Variants in TMA16 observed in about 807,000 individuals in gnomAD.
TMA16 encodes the protein translation machinery-associated protein 16.
A neutral mutation model predicts 27.1 loss-of-function variants in TMA16; 26 were observed. The observed-to-expected ratio is 0.96, with a 90% CI of 0.70 to 1.33. The LOEUF (loss-of-function observed/expected upper bound fraction) is 1.33, where lower values mean the gene tolerates loss of function less well. TMA16 is among the 40% of genes most tolerant of loss of function. TMA16 has a pLI of 0.00. For missense variants in TMA16, 233 were observed against 241.4 expected, an observed-to-expected ratio of 0.97 and a Z score of 0.23; for synonymous variants, 71 against 81.9, an observed-to-expected ratio of 0.87 and a Z score of 0.72.
intron 5 of TMA16, chr4:163,515,677 T>C (rs113307215): frequency 2.4e-5 from 12 of 495,796 alleles, no homozygotes; most frequent in African/African-American, 1.7e-4. Context: ...TGTGACATCA[T>C]GTCTTTTTTA....
At chr4:163,511,140 C>T (rs1466296137) in intron 2 of TMA16, among the ~76,000 whole-genome samples, 2 of 152,050 alleles carry the variant, frequency 1.3e-5, no homozygotes, top group Non-Finnish European at 2.9e-5. Flanking sequence ...AATTACCTTT[C>T]TCAAAGTGAT....
chr4:163,512,884 CT>C (rs778250438), intron 3 of TMA16, 25 bp downstream of exon 3: 6 of 1,595,718 alleles, frequency 3.8e-6, no homozygotes, highest in Middle Eastern at 1.7e-4. Context: ...TTATTTGAAA[CT>C]CTGGCTAGAG....
At chr4:163,511,441 T>C (rs1737795872) in intron 2 of TMA16, among the ~76,000 whole-genome samples, 1 of 152,180 alleles carries the variant, frequency 6.6e-6, no homozygotes, top group Non-Finnish European at 1.5e-5. Context: ...GGACTGTTTA[T>C]ATATTCTAGA....
At position 163,517,439 on chromosome 4, in the gene TMA16, C is replaced by G. The variant is rs765246252; in HGVS notation, c.394C>G (p.Pro132Ala). ...QQFEGYGLEI[P>A]DILNASNLKT... ...TAAATTACTTTCTTTTCCAGAGATT[C>G]CAGACATTCTAAATGCAAGTAATCT... Residue 132 changes from proline to alanine, a missense_variant, in exon 6 of 7, where the codon CCA becomes GCA. Pro to Ala is a conservative substitution (Grantham distance 27). Coordinates refer to ENST00000358572, the MANE Select transcript of TMA16 (RefSeq NM_018352.3). The G allele has an allele frequency of 1.9e-5, 31 of 1,612,702 alleles. No individual in the cohort carries two copies. In the East Asian group the frequency reaches 6.5e-4, roughly 34 times the overall value.
intron 1 of TMA16, among the ~76,000 whole-genome samples, chr4:163,497,991 C>CT (rs908407330): frequency 7.2e-5 from 11 of 152,210 alleles, no homozygotes; most frequent in African/African-American, 2.2e-4. Flanking sequence ...GTTCCCTAAC[C>CT]TTTCTTTTTA....
rs1737950559 is a variant in TMA16, at chr4:163,520,172, ATTT to A, written c.*662_*664del. ...GTTTAGCTCCTTTTGATTGTATATT[ATTT>A]TTTGCTTTTTTATTGTGAAAAGAGG... On this transcript the variant is annotated 3_prime_UTR_variant, in exon 7 of 7. Transcript: ENST00000358572. 1 of 334,512 alleles carries A rather than the reference ATTT, an allele frequency of 3.0e-6. No individual in the cohort carries two copies. 20.7% of individuals were successfully genotyped at this position (334,512 alleles called of 1,614,324 possible).
At position 163,507,871 on chromosome 4, in the gene TMA16, A is replaced by T. The variant is rs190903188; in HGVS notation, c.116+726A>T. Among the ~76,000 whole-genome samples, 44 of 152,034 alleles carry T rather than the reference A, an allele frequency of 2.9e-4. No homozygotes were observed. The East Asian group carries it at 8.1e-3, about 28-fold the overall frequency. ...ATTTTAGAATGCCCTTGCCATTTTC[A>T]TGAATGTTAGATACATTTGCATACC... On this transcript the variant is annotated intron_variant, in intron 2 of 6. Coordinates refer to ENST00000358572, the MANE Select transcript of TMA16 (RefSeq NM_018352.3).
At chr4:163,506,269 G>C (rs1249453409) in intron 1 of TMA16, among the ~76,000 whole-genome samples, 1 of 152,172 alleles carries the variant, frequency 6.6e-6, no homozygotes, top group East Asian at 1.9e-4. Flanking sequence ...TAAGGGCTTT[G>C]TGGAACAGAA....
chr4:163,504,452 T>G (rs755712811), intron 1 of TMA16, among the ~76,000 whole-genome samples: 6 of 152,154 alleles, frequency 3.9e-5, no homozygotes, highest in Non-Finnish European at 8.8e-5. Flanking sequence ...AAAGTATTAC[T>G]TGGGGGTGTG....
At position 163,520,534 on chromosome 4, in the gene TMA16, A is replaced by G. The variant is rs1159723180; in HGVS notation, c.*1020A>G. 1 of 149,318 alleles carries G rather than the reference A, an allele frequency of 6.7e-6. No homozygotes were observed. The highest frequency in any genetic ancestry group is 2.4e-5 in the African/African-American group (1 of 40,844). The allele number at this position is 149,318 out of a possible 1,614,324, so 9.2% of individuals were successfully genotyped here. On this transcript the variant is annotated 3_prime_UTR_variant, in exon 7 of 7. Transcript: ENST00000358572. ...ATTAAAAATAAAATTTATTTCTGCA[A>G]TTTCATTTCTTACAGTCCTAATTTT...
chr4:163,515,689 C>A, intron 5 of TMA16: 1 of 453,446 alleles, frequency 2.2e-6, no homozygotes, highest in Non-Finnish European at 4.0e-6. Context: ...TCTTTTTTAC[C>A]GTGATAGTAA....
chr4:163,519,014 A>C (rs534907768), intron 6 of TMA16, among the ~76,000 whole-genome samples: 1 of 152,272 alleles, frequency 6.6e-6, no homozygotes, highest in East Asian at 1.9e-4. Context: ...TGATTACTGA[A>C]ACTTAACTGG....
rs1737937149 is a variant in TMA16 at position 163,519,519 on chromosome 4, C to T, written c.*5C>T. 6.4e-7 allele frequency: 1 copy of T among 1,557,970 alleles called. No individual in the cohort carries two copies. Among genetic ancestry groups the T allele is most frequent in the Non-Finnish European group, 8.6e-7 (1 of 1,160,534 alleles). Reference sequence around the variant, plus strand: ...GAAATGACTGCAGTGGCCTAATTGTCTTCACTTGAATTGAAAATAAATAAT... The same window carrying T: ...GAAATGACTGCAGTGGCCTAATTGTTTTCACTTGAATTGAAAATAAATAAT... On this transcript the variant is annotated 3_prime_UTR_variant, in exon 7 of 7. Transcript: ENST00000358572.
chr4:163,520,026 A>ATAGAT lies in TMA16; in HGVS notation c.*515_*519dup, dbSNP rs1361128245. The stretch of plus-strand genomic sequence containing the variant: ...AGAAGTTTGTATACATTTCTGGATT[A>ATAGAT]TAGATTATTATTTATCTTTTGAACC... On this transcript the variant is annotated 3_prime_UTR_variant, in exon 7 of 7. Coordinates refer to ENST00000358572, the MANE Select transcript of TMA16 (RefSeq NM_018352.3). 1 of 609,686 alleles carries ATAGAT rather than the reference A, an allele frequency of 1.6e-6. No homozygotes were observed. Among genetic ancestry groups the ATAGAT allele is most frequent in the Non-Finnish European group, 3.0e-6 (1 of 333,220 alleles). 37.8% of individuals were successfully genotyped at this position (609,686 alleles called of 1,614,324 possible).
Position 163,513,616 on chromosome 4 carries a change from C to T in TMA16, c.155-458C>T, listed in dbSNP as rs1322382491. Among the ~76,000 whole-genome samples, 5 of 152,246 alleles carry T rather than the reference C, an allele frequency of 3.3e-5. No individual in the cohort carries two copies. The South Asian group carries it at 6.2e-4, about 19-fold the overall frequency. On this transcript the variant is annotated intron_variant, in intron 3 of 6. Transcript: ENST00000358572. ...GCCCTGGACAGGTCATTTAACATCT[C>T]TCATCTACAAATGGGGGTAATAATA...
intron 3 of TMA16, among the ~76,000 whole-genome samples, chr4:163,513,429 A>AT (rs374110230): frequency 2.6e-5 from 4 of 151,934 alleles, no homozygotes; most frequent in South Asian, 2.1e-4. Context: ...GGGCCGGGTG[A>AT]TTTTTTTTGA....
At chr4:163,500,610 C>T (rs1737635517) in intron 1 of TMA16, among the ~76,000 whole-genome samples, 1 of 152,162 alleles carries the variant, frequency 6.6e-6, no homozygotes, top group Non-Finnish European at 1.5e-5. Context: ...TGCCTTCTTT[C>T]TTGCTGTATA....
intron 3 of TMA16, 118 bp downstream of exon 3, chr4:163,512,977 G>A: frequency 1.4e-6 from 1 of 696,742 alleles, no homozygotes; most frequent in Admixed American, 3.1e-5. Context: ...AATTTGATCA[G>A]ACTTGATCTA....
At chr4:163,498,090 T>C (rs1226495378) in intron 1 of TMA16, among the ~76,000 whole-genome samples, 2 of 152,294 alleles carry the variant, frequency 1.3e-5, no homozygotes, top group Non-Finnish European at 2.9e-5. Context: ...GATCCACTTC[T>C]TGCTTTTTAA....
Sources: gnomAD v4.1 joint callset for allele counts (sites outside exome capture counted in the v4.1 genomes callset) on GRCh38, gnomAD v4.1.1 for gene constraint, MANE v1.5 for transcripts, NCBI Gene and HGNC (gene_info 2026-07-23, HGNC 2026-07-21) for gene names.